GUCY1A2: variants seen among roughly 807,000 people sequenced by gnomAD.
The protein encoded by GUCY1A2 is guanylate cyclase 1 soluble subunit alpha 2, also known as guanylate cyclase soluble subunit alpha-2.
GUCY1A2 carries 27 observed loss-of-function variants against 63.5 expected under a neutral mutation model. The observed-to-expected ratio is 0.43, with a 90% CI of 0.31 to 0.59. The LOEUF is 0.59. GUCY1A2 is among the 20% of genes least tolerant of loss of function. The probability of loss-of-function intolerance (pLI) is 0.11; values close to 1 mark genes in which losing one functional copy is unlikely to be tolerated. For missense variants in GUCY1A2, 768 were observed against 913.3 expected (o/e 0.84, Z 2.05); for synonymous variants, 364 against 343.5 (o/e 1.06, Z -0.66).
chr11:106,941,214 T>C (rs1049064764), intron 3 of GUCY1A2, among the ~76,000 whole-genome samples: 1 of 152,224 alleles, frequency 6.6e-6, no homozygotes, highest in African/African-American at 2.4e-5. Context: ...GTTTTCTCCA[T>C]ATATAATCAC....
chr11:106,875,627 A>T (rs1162614971), intron 4 of GUCY1A2, among the ~76,000 whole-genome samples: 1 of 151,972 alleles, frequency 6.6e-6, no homozygotes, highest in Non-Finnish European at 1.5e-5. Context: ...ACCTCAGTAG[A>T]GAGTGGGTGT....
intron 6 of GUCY1A2, among the ~76,000 whole-genome samples, chr11:106,726,232 T>C (rs1466673336): frequency 1.3e-5 from 2 of 151,952 alleles, no homozygotes; most frequent in Non-Finnish European, 2.9e-5. Context: ...CTGACCGACA[T>C]GGTAAAACCT....
At chr11:106,694,212 G>A (rs2135338116) in intron 7 of GUCY1A2, among the ~76,000 whole-genome samples, 1 of 152,178 alleles carries the variant, frequency 6.6e-6, no homozygotes, top group Middle Eastern at 3.4e-3. Context: ...GAAATAACCT[G>A]GGAATCTCAC....
chr11:106,764,994 T>TA (rs5794493), intron 6 of GUCY1A2, among the ~76,000 whole-genome samples: 77,587 of 137,206 alleles, frequency 0.57, 22,398 homozygotes, highest in East Asian at 0.72. Context: ...GGGGCAGGAA[T>TA]AAATAGTGCA....
At position 106,714,321 on chromosome 11, in the gene GUCY1A2, A is replaced by G. The variant is rs148775981; in HGVS notation, c.1837-5655T>C. ...AGCACTGACCCACAGTCACTATCCT[A>G]TCATGGAACAGGACTCAGAGAATTA... On this transcript the variant is annotated intron_variant, in intron 6 of 7. Transcript: ENST00000526355. 3.8e-3 allele frequency among the ~76,000 whole-genome samples: 577 copies of G among 152,266 alleles called. 12 individuals are homozygous for G. Among genetic ancestry groups the G allele is most frequent in the South Asian group, 9.3e-3 (45 of 4,818 alleles).
At chr11:106,740,648 C>CTGTATGTATGTATGTA (rs6144494) in intron 6 of GUCY1A2, among the ~76,000 whole-genome samples, 14,307 of 148,760 alleles carry the variant, frequency 0.096, 720 homozygotes, top group Middle Eastern at 0.16. Flanking sequence ...GACCATATCA[C>CTGTATGTATGTATGTA]TGTATGTATG....
At position 106,695,495 on chromosome 11, in the gene GUCY1A2, T is replaced by G. The variant is rs553178910; in HGVS notation, c.1992-7739A>C. Among the ~76,000 whole-genome samples, 4 of 152,256 alleles carry G rather than the reference T, an allele frequency of 2.6e-5. No homozygotes were observed. The South Asian group carries it at 6.2e-4, about 24-fold the overall frequency. The stretch of plus-strand genomic sequence containing the variant: ...GGACGACGGTTCTGAAAGATGAAAA[T>G]AAAAGACATCAAGACACATTATGTT... On this transcript the variant is annotated intron_variant, in intron 7 of 7. Coordinates refer to ENST00000526355, the MANE Select transcript of GUCY1A2 (RefSeq NM_000855.3).
At chr11:106,709,372 AT>A (rs1171113147) in intron 6 of GUCY1A2, among the ~76,000 whole-genome samples, 2 of 99,184 alleles carry the variant, frequency 2.0e-5, no homozygotes, top group Admixed American at 1.6e-4. Context: ...ATATATATAA[AT>A]TATATATATT....
At chr11:106,931,299 A>C (rs1261645897) in intron 4 of GUCY1A2, among the ~76,000 whole-genome samples, 6 of 152,204 alleles carry the variant, frequency 3.9e-5, no homozygotes, top group Non-Finnish European at 1.5e-5. Flanking sequence ...GTATAACTTA[A>C]AACCTAAGAC....
chr11:106,727,585 AC>A (rs1863429032), intron 6 of GUCY1A2, among the ~76,000 whole-genome samples: 1 of 152,036 alleles, frequency 6.6e-6, no homozygotes, highest in Non-Finnish European at 1.5e-5. Flanking sequence ...TTTTTCAAGG[AC>A]TCCTTTGCTC....
chr11:106,919,159 G>T (rs1157493684), intron 4 of GUCY1A2, among the ~76,000 whole-genome samples: 1 of 152,064 alleles, frequency 6.6e-6, no homozygotes, highest in Admixed American at 6.6e-5. Context: ...ATTATATATT[G>T]TTATGTTTGC....
At chr11:106,812,348 T>G (rs1858772975) in intron 4 of GUCY1A2, among the ~76,000 whole-genome samples, 1 of 151,946 alleles carries the variant, frequency 6.6e-6, no homozygotes, top group African/African-American at 2.4e-5. Flanking sequence ...TTCTCCATCT[T>G]GATTTCTTCT....
intron 6 of GUCY1A2, among the ~76,000 whole-genome samples, chr11:106,746,914 T>G (rs1235764828): frequency 6.6e-6 from 1 of 152,158 alleles, no homozygotes; most frequent in Non-Finnish European, 1.5e-5. Flanking sequence ...AATGGCACGC[T>G]GGGCAAAACC....
chr11:106,977,679 G>T (rs1276732435), intron 3 of GUCY1A2, among the ~76,000 whole-genome samples: 1 of 152,144 alleles, frequency 6.6e-6, no homozygotes, highest in Non-Finnish European at 1.5e-5. Context: ...AAACTCAGAT[G>T]CCTCCAGGGA....
At chr11:106,931,548 T>C (rs750161701) in intron 4 of GUCY1A2, among the ~76,000 whole-genome samples, 1 of 149,824 alleles carries the variant, frequency 6.7e-6, no homozygotes, top group Non-Finnish European at 1.5e-5. Context: ...TGAATGTTCA[T>C]TGCAACATTA....
chr11:106,698,560 T>C (rs760987930), intron 7 of GUCY1A2, among the ~76,000 whole-genome samples: 20 of 152,204 alleles, frequency 1.3e-4, no homozygotes, highest in Non-Finnish European at 2.4e-4. Context: ...TCTCTTATAT[T>C]CTTTACTCAA....
intron 4 of GUCY1A2, among the ~76,000 whole-genome samples, chr11:106,868,291 A>C (rs1004415118): frequency 2.6e-5 from 4 of 152,112 alleles, no homozygotes; most frequent in Non-Finnish European, 4.4e-5. Flanking sequence ...TAAGCAATGC[A>C]GTTAGGCAAA....
intron 4 of GUCY1A2, among the ~76,000 whole-genome samples, chr11:106,895,368 A>C (rs1220904255): frequency 3.3e-5 from 5 of 152,128 alleles, no homozygotes; most frequent in Non-Finnish European, 7.3e-5. Context: ...AAGTGATGAG[A>C]ATACTTGTGA....
chr11:106,911,669 T>C (rs1026374926), intron 4 of GUCY1A2, among the ~76,000 whole-genome samples: 12 of 152,222 alleles, frequency 7.9e-5, no homozygotes, highest in African/African-American at 2.9e-4. Context: ...CCTAATATTT[T>C]TGTTCTACTA....
Sources: gnomAD v4.1 joint callset for allele counts (sites outside exome capture counted in the v4.1 genomes callset) on GRCh38, gnomAD v4.1.1 for gene constraint, MANE v1.5 for transcripts, NCBI Gene and HGNC (gene_info 2026-07-23, HGNC 2026-07-21) for gene names.